Variants in UNG observed in about 807,000 individuals in gnomAD.
The protein encoded by UNG is uracil DNA glycosylase, also known as uracil-DNA glycosylase.
A neutral mutation model predicts 36.5 loss-of-function variants in UNG; 34 were observed. The ratio of observed to expected loss-of-function variants is 0.93; its 90% CI spans 0.71 to 1.24. The LOEUF is 1.24. Ranked by LOEUF, UNG falls within the 50% of genes most tolerant of loss-of-function variation. The pLI, the probability that UNG is intolerant of heterozygous loss-of-function variation, is 0.00. For synonymous variants in UNG, 172 were observed against 157.8 expected (o/e 1.09, Z -0.67); for missense variants, 391 against 397.6 (o/e 0.98, Z 0.14).
intron 3 of UNG, among the ~76,000 whole-genome samples, chr12:109,100,932 G>A (rs1002717236): frequency 6.6e-6 from 1 of 152,004 alleles, no homozygotes; most frequent in Non-Finnish European, 1.5e-5. Flanking sequence ...TGGGAAGGAC[G>A]AGGCGGCCTA....
intron 4 of UNG, 135 bp downstream of exon 4, chr12:109,102,134 A>G (rs1241188680): frequency 1.5e-5 from 12 of 785,198 alleles, no homozygotes; most frequent in Non-Finnish European, 1.1e-5. Context: ...AGCACCATTG[A>G]CATTTGGGGC....
intron 3 of UNG, among the ~76,000 whole-genome samples, chr12:109,100,490 C>T (rs764436993): frequency 2.0e-5 from 3 of 152,120 alleles, no homozygotes; most frequent in Non-Finnish European, 2.9e-5. Flanking sequence ...TAGAAAATCT[C>T]GTAAGCTTAA....
At chr12:109,107,674 TACCACCACATCC>T (rs2042228361) in intron 6 of UNG, among the ~76,000 whole-genome samples, 1 of 151,836 alleles carries the variant, frequency 6.6e-6, no homozygotes, top group Admixed American at 6.6e-5. Context: ...TACAGGCATG[TACCACCACATCC>T]AGCTAATTTT....
intron 1 of UNG, 66 bp downstream of exon 1, chr12:109,097,877 G>A: frequency 6.9e-7 from 1 of 1,451,650 alleles, no homozygotes; most frequent in South Asian, 1.4e-5. Flanking sequence ...CCCGCCTGAC[G>A]GAGGGCGTGC....
Position 109,101,985 on chromosome 12 carries a change from T to C in UNG, c.519T>C (p.Val173=), listed in dbSNP as rs1223036501. 1.9e-6 allele frequency: 3 copies of C among 1,613,960 alleles called. No individual in the cohort carries two copies. The highest frequency in any genetic ancestry group is 2.5e-6 in the Non-Finnish European group (3 of 1,179,966). ...HGLCFSVQRP[V]PPPPSLENIY... ...TCTGCTTTAGTGTTCAAAGGCCTGTTCCGCCTCCGCCCAGGTACAGTTGCT... is the reference window on the plus strand; with the variant it reads ...TCTGCTTTAGTGTTCAAAGGCCTGTCCCGCCTCCGCCCAGGTACAGTTGCT... The change falls in exon 4 of 7, where the codon GTT becomes GTC. Residue 173 remains valine, a synonymous_variant. Coordinates refer to ENST00000242576, the MANE Select transcript of UNG (RefSeq NM_080911.3).
At position 109,110,219 on chromosome 12, in the gene UNG, G is replaced by A. The variant is rs556280629; in HGVS notation, c.*250G>A. 6.5e-5 allele frequency: 35 copies of A among 538,680 alleles called. No homozygotes were observed. Among genetic ancestry groups the A allele is most frequent in the South Asian group, 2.3e-4 (11 of 48,888 alleles). The allele number at this position is 538,680 out of a possible 1,614,324, so 33.4% of individuals were successfully genotyped here. ...CCTAAAATATGCAGAAGACAGATGAGGTCAAATACTCAGTTGGCTCTCTTT... is the reference window on the plus strand; with the variant it reads ...CCTAAAATATGCAGAAGACAGATGAAGTCAAATACTCAGTTGGCTCTCTTT... On this transcript the variant is annotated 3_prime_UTR_variant, in exon 7 of 7. Transcript: ENST00000242576.
At chr12:109,101,217 C>A (rs576838153) in intron 3 of UNG, among the ~76,000 whole-genome samples, 1 of 145,794 alleles carries the variant, frequency 6.9e-6, no homozygotes, top group Non-Finnish European at 1.5e-5. Context: ...CTCAGCCTCC[C>A]GAGTAGCTGG....
At position 109,097,788 on chromosome 12, in the gene UNG, C is replaced by G. The variant is rs918596003; in HGVS notation, c.109C>G (p.Pro37Ala). 5.1e-6 allele frequency: 8 copies of G among 1,555,218 alleles called. No homozygotes were observed. Among genetic ancestry groups the G allele is most frequent in the Non-Finnish European group, 6.1e-6 (7 of 1,148,940 alleles). Residue 37 changes from proline (P) to alanine (A), a missense_variant, in exon 1 of 7, where the codon CCT (proline) becomes GCT (alanine). Transcript: ENST00000242576. Reference protein sequence around the residue: ...AVQGTGVAGVPEESGDAAAIP... With the variant: ...AVQGTGVAGVAEESGDAAAIP... ...CCAGGGGACCGGCGTGGCTGGGGTGCCTGAGGAAAGCGGAGATGCGGCGGT... is the reference window on the plus strand; with the variant it reads ...CCAGGGGACCGGCGTGGCTGGGGTGGCTGAGGAAAGCGGAGATGCGGCGGT...
chr12:109,098,046 C>T, intron 1 of UNG: 2 of 1,361,440 alleles, frequency 1.5e-6, no homozygotes, highest in South Asian at 3.4e-5. Flanking sequence ...GCGCCGCAGG[C>T]CCTCCTGGCT....
chr12:109,101,070 A>ACACC (rs1464550321), intron 3 of UNG, among the ~76,000 whole-genome samples: 1 of 145,690 alleles, frequency 6.9e-6, no homozygotes, highest in Non-Finnish European at 1.5e-5. Flanking sequence ...AGGGGAGCAG[A>ACACC]CACCCTCATA....
chr12:109,098,684 C>A lies in UNG; in HGVS notation c.339+46C>A, dbSNP rs760156398. On this transcript the variant is annotated intron_variant, in intron 2 of 6. Coordinates refer to ENST00000242576, the MANE Select transcript of UNG (RefSeq NM_080911.3). ...TCCATAAGGGTAAATGTGGAGGCTG[C>A]CGGCCCTTTTGTCTTGTTAGTGTAG... is the stretch of plus-strand genomic sequence containing the variant. The A allele has an allele frequency of 7.4e-6, 12 of 1,611,676 alleles. No individual in the cohort carries two copies. In the Admixed American group the frequency reaches 1.5e-4, roughly 20 times the overall value.
intron 6 of UNG, among the ~76,000 whole-genome samples, chr12:109,106,011 T>A (rs2042212682): frequency 6.6e-6 from 1 of 152,228 alleles, no homozygotes; most frequent in South Asian, 2.1e-4. Context: ...GTGCCCCACT[T>A]CCCTGCCTTT....
chr12:109,108,095 A>G (rs962252951), intron 6 of UNG, among the ~76,000 whole-genome samples: 1 of 152,148 alleles, frequency 6.6e-6, no homozygotes, highest in Non-Finnish European at 1.5e-5. Context: ...ATGTTTTTCT[A>G]GGAGTTATGT....
intron 2 of UNG, 96 bp downstream of exon 2, chr12:109,098,734 G>T: frequency 1.3e-6 from 2 of 1,546,842 alleles, no homozygotes; most frequent in South Asian, 2.3e-5. Flanking sequence ...GTTTCCGTAG[G>T]CTTAGGTTGT....
intron 1 of UNG, chr12:109,098,219 G>T: frequency 1.4e-6 from 2 of 1,462,788 alleles, no homozygotes; most frequent in Non-Finnish European, 1.8e-6. Flanking sequence ...GCCATAGGGC[G>T]CCTCCCAGCC....
chr12:109,110,332 C>G lies in UNG; in HGVS notation c.*363C>G, dbSNP rs1198113640. The stretch of plus-strand genomic sequence containing the variant: ...GGCGCCTGCTGCTCCTTGGTTTTGC[C>G]TGGTTAGACTTTCAGTGACAGATGT... On this transcript the variant is annotated 3_prime_UTR_variant, in exon 7 of 7. Coordinates refer to ENST00000242576, the MANE Select transcript of UNG (RefSeq NM_080911.3). 6.8e-6 allele frequency: 2 copies of G among 296,140 alleles called. No homozygotes were observed. Among genetic ancestry groups the G allele is most frequent in the Admixed American group, 4.3e-5 (1 of 23,084 alleles). 18.3% of individuals were successfully genotyped at this position (296,140 alleles called of 1,614,324 possible).
At chr12:109,100,311 C>A (rs1024388696) in intron 3 of UNG, among the ~76,000 whole-genome samples, 1 of 152,168 alleles carries the variant, frequency 6.6e-6, no homozygotes, top group African/African-American at 2.4e-5. Flanking sequence ...TGAGCTGCTA[C>A]GATGCATTTA....
chr12:109,109,169 T>C (rs2042240974), intron 6 of UNG, among the ~76,000 whole-genome samples: 1 of 152,188 alleles, frequency 6.6e-6, no homozygotes, highest in Non-Finnish European at 1.5e-5. Context: ...CCATCCATTG[T>C]GTTAATAAGT....
At position 109,097,642 on chromosome 12, in the gene UNG, C is replaced by T. The variant is rs767370738; in HGVS notation, c.-38C>T. The T allele has an allele frequency of 1.3e-6, 2 of 1,596,810 alleles. No homozygotes were observed. Among genetic ancestry groups the T allele is most frequent in the East Asian group, 2.3e-5 (1 of 43,738 alleles). ...ACAGCCAGGGCTAGCCTCGCCGGTT[C>T]CCGGGTGGCGCGCGTTCGCTGCCTC... On this transcript the variant is annotated 5_prime_UTR_variant, in exon 1 of 7. Transcript: ENST00000242576.
Sources: gnomAD v4.1 joint callset for allele counts (sites outside exome capture counted in the v4.1 genomes callset) on GRCh38, gnomAD v4.1.1 for gene constraint, MANE v1.5 for transcripts, NCBI Gene and HGNC (gene_info 2026-07-23, HGNC 2026-07-21) for gene names.